The following NALF1 variants were observed in gnomAD, a reference collection of about 807,000 sequenced individuals.
NALF1 encodes family with sequence similarity 155 member A.
Under a neutral mutation model 48.4 loss-of-function variants are expected in NALF1, and 3 were observed. That is an observed-to-expected ratio of 0.06 (90% CI 0.03 to 0.16). The LOEUF (loss-of-function observed/expected upper bound fraction) is 0.16, where lower values mean the gene tolerates loss of function less well. Ranked by LOEUF, NALF1 falls within the 10% of genes least tolerant of loss-of-function variation. The pLI is 1.00. For missense variants in NALF1, 526 were observed against 571.5 expected (o/e 0.92, Z 0.81); for synonymous variants, 262 against 245.7 (o/e 1.07, Z -0.62).
intron 1 of NALF1, among the ~76,000 whole-genome samples, chr13:107,587,334 T>C (rs1267590344): frequency 3.3e-5 from 5 of 152,112 alleles, no homozygotes; most frequent in African/African-American, 9.7e-5. Flanking sequence ...TCATAAACAG[T>C]CTCTTCGGAA....
chr13:107,215,877 A>T (rs538848139), intron 1 of NALF1, among the ~76,000 whole-genome samples: 1 of 152,278 alleles, frequency 6.6e-6, no homozygotes, highest in East Asian at 1.9e-4. Flanking sequence ...ATTACTTTTT[A>T]AATATATATT....
chr13:107,777,970 T>C (rs2138575775), intron 1 of NALF1, among the ~76,000 whole-genome samples: 1 of 152,368 alleles, frequency 6.6e-6, no homozygotes, highest in Admixed American at 6.5e-5. Flanking sequence ...TTGTTTTTAC[T>C]TTCTATCTTG....
At chr13:107,210,906 C>A in intron 1 of NALF1, 151 bp from the exon 2 acceptor site, 1 of 590,378 alleles carries the variant, frequency 1.7e-6, no homozygotes, top group Non-Finnish European at 3.0e-6. Context: ...ACGACAGCTG[C>A]AAGTGATAAA....
chr13:107,447,423 G>A (rs1040562569), intron 1 of NALF1, among the ~76,000 whole-genome samples: 2 of 152,030 alleles, frequency 1.3e-5, no homozygotes, highest in Non-Finnish European at 2.9e-5. Flanking sequence ...TCTGAGTCCA[G>A]TCACCATAAG....
chr13:107,608,384 T>G (rs1879129940), intron 1 of NALF1, among the ~76,000 whole-genome samples: 1 of 152,186 alleles, frequency 6.6e-6, no homozygotes. Flanking sequence ...GGCCCCCTAT[T>G]GCAAGTTGGA....
At chr13:107,550,963 T>C (rs950340561) in intron 1 of NALF1, among the ~76,000 whole-genome samples, 3 of 152,122 alleles carry the variant, frequency 2.0e-5, no homozygotes, top group Non-Finnish European at 4.4e-5. Context: ...TTTATCCTTA[T>C]ATGTTGTTCT....
intron 1 of NALF1, among the ~76,000 whole-genome samples, chr13:107,863,811 T>A (rs1880640707): frequency 6.6e-6 from 1 of 152,212 alleles, no homozygotes; most frequent in Non-Finnish European, 1.5e-5. Flanking sequence ...AACTTTTTAA[T>A]ATATTTACTT....
intron 1 of NALF1, among the ~76,000 whole-genome samples, chr13:107,590,955 G>T (rs1285098553): frequency 1.3e-5 from 2 of 151,896 alleles, no homozygotes; most frequent in African/African-American, 4.8e-5. Context: ...CATAGGATAG[G>T]TAGGATTGTT....
At chr13:107,280,594 TTA>T (rs1390728771) in intron 1 of NALF1, among the ~76,000 whole-genome samples, 1 of 152,210 alleles carries the variant, frequency 6.6e-6, no homozygotes, top group East Asian at 1.9e-4. Flanking sequence ...CTTAATGCCT[TTA>T]TGTTTAATGG....
At chr13:107,441,390 T>C (rs1425283979) in intron 1 of NALF1, among the ~76,000 whole-genome samples, 5 of 152,152 alleles carry the variant, frequency 3.3e-5, no homozygotes, top group Non-Finnish European at 7.3e-5. Flanking sequence ...CATTACAGTA[T>C]AAAATGAGCA....
intron 1 of NALF1, among the ~76,000 whole-genome samples, chr13:107,262,518 G>T (rs1334237010): frequency 6.6e-6 from 1 of 152,158 alleles, no homozygotes; most frequent in Non-Finnish European, 1.5e-5. Flanking sequence ...TCATCTCCAC[G>T]TATCTGTTTC....
At chr13:107,281,960 T>C (rs1206954367) in intron 1 of NALF1, among the ~76,000 whole-genome samples, 1 of 152,068 alleles carries the variant, frequency 6.6e-6, no homozygotes, top group Non-Finnish European at 1.5e-5. Context: ...CTTTAAAACG[T>C]GGGGAATATG....
chr13:107,382,698 C>G (rs79406068), intron 1 of NALF1, among the ~76,000 whole-genome samples: 3,529 of 152,274 alleles, frequency 0.023, 59 homozygotes, highest in Middle Eastern at 0.061. Flanking sequence ...CTTCCTTGTC[C>G]TCATAACCTT....
At chr13:107,629,340 T>C (rs1330241139) in intron 1 of NALF1, among the ~76,000 whole-genome samples, 1 of 152,194 alleles carries the variant, frequency 6.6e-6, no homozygotes, top group Non-Finnish European at 1.5e-5. Flanking sequence ...ACAAAATCTT[T>C]GAGATCTACT....
intron 1 of NALF1, among the ~76,000 whole-genome samples, chr13:107,427,501 T>C (rs1269470893): frequency 6.6e-6 from 1 of 152,148 alleles, no homozygotes; most frequent in Non-Finnish European, 1.5e-5. Context: ...ACAGAATATT[T>C]ATGAATCTAG....
chr13:107,640,989 C>T (rs1480574133), intron 1 of NALF1, among the ~76,000 whole-genome samples: 1 of 152,100 alleles, frequency 6.6e-6, no homozygotes, highest in Non-Finnish European at 1.5e-5. Flanking sequence ...TCCCAATAGC[C>T]AAAATATGAA....
chr13:107,228,045 C>T (rs1053640448), intron 1 of NALF1, among the ~76,000 whole-genome samples: 48 of 152,168 alleles, frequency 3.2e-4, no homozygotes, highest in African/African-American at 1.1e-3. Flanking sequence ...AAAGAGCATA[C>T]ACCAGATATA....
chr13:107,456,930 T>C (rs1430773802), intron 1 of NALF1, among the ~76,000 whole-genome samples: 2 of 152,136 alleles, frequency 1.3e-5, no homozygotes, highest in African/African-American at 4.8e-5. Flanking sequence ...TAAATTACCT[T>C]GTTTTTATTT....
chr13:107,498,413 T>C (rs565234017), intron 1 of NALF1, among the ~76,000 whole-genome samples: 1 of 152,314 alleles, frequency 6.6e-6, no homozygotes, highest in South Asian at 2.1e-4. Context: ...TGGAGATGTC[T>C]GCTTTCCTGT....
Sources: allele counts gnomAD v4.1 joint callset (sites outside exome capture counted in the v4.1 genomes callset), GRCh38; gene constraint gnomAD v4.1.1; transcripts MANE v1.5; gene names NCBI Gene and HGNC (gene_info 2026-07-23, HGNC 2026-07-21).